The following F8 variants were observed in gnomAD, a reference collection of about 807,000 sequenced individuals.
The protein encoded by F8 is coagulation factor VIII.
Under a neutral mutation model 140.6 loss-of-function variants are expected in F8, and 12 were observed. The observed-to-expected ratio is 0.09, with a 90% CI of 0.05 to 0.14. F8 has a LOEUF of 0.14. Ranked by LOEUF, F8 falls within the 10% of genes least tolerant of loss-of-function variation. F8 has a pLI of 1.00. For missense variants in F8, 1,354 were observed against 1,720.7 expected, an observed-to-expected ratio of 0.79 and a Z score of 3.77; for synonymous variants, 585 against 614.6, an observed-to-expected ratio of 0.95 and a Z score of 0.71.
intron 6 of F8, among the ~76,000 whole-genome samples, chrX:154,979,807 C>T (rs932373236): frequency 8.9e-6 from 1 of 111,903 alleles, no homozygotes; most frequent in Non-Finnish European, 1.9e-5. Context: ...CAAAATGGTG[C>T]TGTGCTGCAG....
intron 1 of F8, among the ~76,000 whole-genome samples, chrX:155,017,337 C>T (rs890991691): frequency 1.9e-4 from 21 of 112,465 alleles, no homozygotes; most frequent in African/African-American, 5.8e-4. Flanking sequence ...TCCACCTGGA[C>T]TTCTAACTCA....
At chrX:155,011,174 T>C (rs1374718535) in intron 1 of F8, among the ~76,000 whole-genome samples, 1 of 111,957 alleles carries the variant, frequency 8.9e-6, no homozygotes, top group Non-Finnish European at 1.9e-5. Flanking sequence ...GGGTATAATA[T>C]TAAGAATAAA....
chrX:154,877,852 G>T (rs782646643), intron 22 of F8, among the ~76,000 whole-genome samples: 89 of 111,874 alleles, frequency 8.0e-4, no homozygotes, highest in African/African-American at 2.8e-3. Context: ...GCCTTCATTC[G>T]TTACTCAATC....
chrX:154,892,849 A>G (rs1168694885), intron 22 of F8, among the ~76,000 whole-genome samples: 1 of 111,680 alleles, frequency 9.0e-6, no homozygotes, highest in Non-Finnish European at 1.9e-5. Context: ...TGGGGATCAA[A>G]TATGCCTTAT....
intron 13 of F8, among the ~76,000 whole-genome samples, chrX:154,939,527 C>T (rs1318798338): frequency 8.9e-6 from 1 of 112,947 alleles, no homozygotes; most frequent in Non-Finnish European, 1.9e-5. Flanking sequence ...GAAGCTCGAA[C>T]TGGGTGGAGC....
chrX:154,909,228 C>G (rs1211054348), intron 14 of F8: 6 of 163,014 alleles, frequency 3.7e-5, no homozygotes, highest in African/African-American at 1.9e-4. Context: ...TTGAGGGCAC[C>G]AGTCACCACT....
intron 25 of F8, among the ~76,000 whole-genome samples, chrX:154,858,141 A>G (rs2072663553): frequency 8.9e-6 from 1 of 112,200 alleles, no homozygotes; most frequent in Non-Finnish European, 1.9e-5. Flanking sequence ...TCCATCTCAA[A>G]AAAAAAGTAG....
At chrX:154,910,835 C>T (rs1255440777) in intron 14 of F8, among the ~76,000 whole-genome samples, 2 of 108,729 alleles carry the variant, frequency 1.8e-5, no homozygotes, top group Non-Finnish European at 3.8e-5. Context: ...GTCTCCTGCT[C>T]GTCCCTGGGC....
chrX:154,846,460 G>C lies in F8; in HGVS notation c.6901-8708C>G, dbSNP rs782384255. ...TCTAAGGACTTGCTTTATGAATCTG[G>C]GTGCTCCTGTATTGGGTGCATATAT... On this transcript the variant is annotated intron_variant, in intron 25 of 25. Transcript: ENST00000360256. 1.5e-4 allele frequency among the ~76,000 whole-genome samples: 17 copies of C among 111,572 alleles called. 1 individual carries two copies. The East Asian group carries it at 4.5e-3, about 29-fold the overall frequency.
At chrX:154,964,604 A>G (rs2073414362) in intron 9 of F8, among the ~76,000 whole-genome samples, 2 of 112,012 alleles carry the variant, frequency 1.8e-5, no homozygotes, top group African/African-American at 3.2e-5. Context: ...TGAAAAAAGG[A>G]TTGGTTGTGT....
At chrX:154,995,130 G>A (rs1337192369) in intron 3 of F8, among the ~76,000 whole-genome samples, 2 of 111,786 alleles carry the variant, frequency 1.8e-5, no homozygotes, top group African/African-American at 6.5e-5. Flanking sequence ...GAGGTGATGG[G>A]CACATGTTTG....
intron 22 of F8, among the ~76,000 whole-genome samples, chrX:154,878,150 T>C: frequency 9.0e-6 from 1 of 111,393 alleles, no homozygotes; most frequent in Non-Finnish European, 1.9e-5. Flanking sequence ...AAATTACAAA[T>C]TGCATGTAAT....
At chrX:154,901,508 C>G in intron 19 of F8, 66 bp from the exon 20 acceptor site, 2 of 732,551 alleles carry the variant, frequency 2.7e-6, no homozygotes, top group Non-Finnish European at 4.4e-6. Flanking sequence ...AAATGTAAGT[C>G]AATGAAAATG....
At chrX:154,852,373 T>C (rs782265470) in intron 25 of F8, among the ~76,000 whole-genome samples, 1 of 111,882 alleles carries the variant, frequency 8.9e-6, no homozygotes, top group Admixed American at 9.5e-5. Flanking sequence ...CATCCAGCCT[T>C]GAGTTAAATT....
chrX:154,969,013 A>C (rs1293519611), intron 7 of F8, among the ~76,000 whole-genome samples: 1 of 111,196 alleles, frequency 9.0e-6, no homozygotes, highest in African/African-American at 3.3e-5. Context: ...GAGCGTAATT[A>C]ATGGGATAAG....
chrX:154,876,271 C>T (rs1281969731), intron 22 of F8, among the ~76,000 whole-genome samples: 4 of 109,718 alleles, frequency 3.6e-5, no homozygotes, highest in Non-Finnish European at 5.7e-5. Context: ...AGGCGCCCAC[C>T]ACCACACCCA....
At chrX:154,973,199 C>T (rs1408963997) in intron 6 of F8, among the ~76,000 whole-genome samples, 1 of 112,237 alleles carries the variant, frequency 8.9e-6, no homozygotes, top group Non-Finnish European at 1.9e-5. Flanking sequence ...CTATTTTGTT[C>T]TATTGGTCTA....
chrX:154,974,557 T>C (rs1276072452), intron 6 of F8, among the ~76,000 whole-genome samples: 2 of 111,809 alleles, frequency 1.8e-5, no homozygotes, highest in Non-Finnish European at 3.8e-5. Flanking sequence ...TTTGTTGTTA[T>C]TGTGCTTTTG....
At chrX:154,854,713 A>G (rs1488215510) in intron 25 of F8, among the ~76,000 whole-genome samples, 1 of 111,435 alleles carries the variant, frequency 9.0e-6, no homozygotes, top group Non-Finnish European at 1.9e-5. Context: ...ACAGAATTTT[A>G]AGGATAAATT....
Sources: gnomAD v4.1 joint callset for allele counts (sites outside exome capture counted in the v4.1 genomes callset) on GRCh38, gnomAD v4.1.1 for gene constraint, MANE v1.5 for transcripts, NCBI Gene and HGNC (gene_info 2026-07-23, HGNC 2026-07-21) for gene names.